Variants in ZNF644 observed in about 807,000 individuals in gnomAD.
ZNF644 encodes the protein zinc finger motif enhancer binding protein 2.
Under a neutral mutation model 108.0 loss-of-function variants are expected in ZNF644, and 20 were observed. The observed-to-expected ratio is 0.19, with a 90% CI of 0.13 to 0.27. The LOEUF is 0.27. Ranked by LOEUF, ZNF644 falls within the 10% of genes least tolerant of loss-of-function variation. The pLI is 1.00. For missense variants in ZNF644, 1,338 were observed against 1,548.9 expected (o/e 0.86, Z 2.29); for synonymous variants, 542 against 539.1 (o/e 1.01, Z -0.08).
chr1:90,965,065 G>A (rs543086644), intron 2 of ZNF644, among the ~76,000 whole-genome samples: 13 of 152,232 alleles, frequency 8.5e-5, no homozygotes, highest in African/African-American at 3.1e-4. Flanking sequence ...GAAGGAGTGA[G>A]GAGAGTAAGT....
In ZNF644 at chr1:90,941,290, G is replaced by A. The variant is rs1237700816; in HGVS notation, c.64C>T (p.Leu22Phe). The change falls in exon 3 of 6, where the codon CTT (leucine) becomes TTT (phenylalanine). Residue 22 changes from leucine to phenylalanine, a missense_variant. Around this residue, in one of 6 missense-constraint regions of ZNF644, gnomAD observed 464 missense variants for 457.9 expected, o/e 1.01. Coordinates refer to ENST00000337393, the MANE Select transcript of ZNF644 (RefSeq NM_201269.3). ...TTCAAATCATCCATATTGTTGGCAA[G>A]CCCATTTAACACATTTAGTCTAGAA... is the stretch of plus-strand genomic sequence containing the variant. ...TKSRLNVLNG[L>F]ANNMDDLKIN... The A allele has an allele frequency of 6.3e-7, 1 of 1,597,906 alleles. No individual in the cohort carries two copies. The highest frequency in any genetic ancestry group is 8.5e-7 in the Non-Finnish European group (1 of 1,176,038).
chr1:91,006,912 C>T (rs572634084), intron 1 of ZNF644, among the ~76,000 whole-genome samples: 2 of 152,188 alleles, frequency 1.3e-5, no homozygotes, highest in East Asian at 3.9e-4. Context: ...TTTTTAGCCT[C>T]CTCCCACACT....
chr1:90,983,649 G>A (rs542543831), intron 1 of ZNF644, among the ~76,000 whole-genome samples: 4 of 152,156 alleles, frequency 2.6e-5, no homozygotes, highest in East Asian at 1.9e-4. Flanking sequence ...CGGAGAGGCC[G>A]GGCACAGTGG....
intron 1 of ZNF644, among the ~76,000 whole-genome samples, chr1:91,004,226 C>CA (rs368283324): frequency 8.1e-4 from 73 of 89,946 alleles, no homozygotes; most frequent in African/African-American, 3.1e-3. Context: ...CAAGGAACTA[C>CA]ACAGAGGATA....
At chr1:90,926,639 C>CA (rs1336438087) in intron 4 of ZNF644, among the ~76,000 whole-genome samples, 2 of 152,174 alleles carry the variant, frequency 1.3e-5, no homozygotes, top group African/African-American at 4.8e-5. Flanking sequence ...AGCATGGTAG[C>CA]AGATTGATTA....
At chr1:90,985,311 T>C (rs1226279183) in intron 1 of ZNF644, among the ~76,000 whole-genome samples, 1 of 152,200 alleles carries the variant, frequency 6.6e-6, no homozygotes, top group Non-Finnish European at 1.5e-5. Flanking sequence ...TATTTTTTTG[T>C]GGTAAAACAC....
intron 4 of ZNF644, among the ~76,000 whole-genome samples, chr1:90,923,241 A>G (rs1405897881): frequency 6.6e-6 from 1 of 152,024 alleles, no homozygotes; most frequent in African/African-American, 2.4e-5. Context: ...CACATAACTC[A>G]TTTTGCATTG....
Position 90,940,712 on chromosome 1 carries a change from T to C in ZNF644, c.642A>G (p.Ser214=). The C allele has an allele frequency of 6.2e-7, 1 of 1,614,122 alleles. No individual in the cohort carries two copies. Among genetic ancestry groups the C allele is most frequent in the Non-Finnish European group, 8.5e-7 (1 of 1,180,006 alleles). Residue 214 remains serine, a synonymous_variant, in exon 3 of 6, where the codon TCA becomes TCG. Coordinates refer to ENST00000337393, the MANE Select transcript of ZNF644 (RefSeq NM_201269.3). ...CTACTTGATTTATTAAAGTGCCATC[T>C]GACTTTATATTACTCCCTACTGAAT... The part of the protein sequence containing the change: ...IQNSVGSNIK[S]DGTLINQVEV...
At chr1:90,936,311 G>T (rs1341998866) in intron 4 of ZNF644, among the ~76,000 whole-genome samples, 1 of 152,096 alleles carries the variant, frequency 6.6e-6, no homozygotes. Context: ...CATCTCTGAA[G>T]TATACTACCC....
Position 90,938,058 on chromosome 1 carries a change from T to G in ZNF644, c.3115A>C (p.Thr1039Pro). Residue 1039 changes from threonine to proline, a missense_variant, in exon 4 of 6, where the codon ACT becomes CCT. Transcript: ENST00000337393. This position sits in a 1 kb window ranked among gnomAD's most constrained non-coding sequence, Gnocchi z 4.2. Reference sequence around the variant, plus strand: ...AACCAACCACCACAGAGCTGACAAGTGTGTTCAGAAGTGGTTTCAGACTTC... The same window carrying G: ...AACCAACCACCACAGAGCTGACAAGGGTGTTCAGAAGTGGTTTCAGACTTC... The part of the protein sequence containing the change: ...IEKSETTSEH[T>P]CQLCGGWFDT... 1 of 1,610,874 alleles carries G rather than the reference T, an allele frequency of 6.2e-7. No homozygotes were observed.
chr1:91,010,973 T>G (rs1032471480), intron 1 of ZNF644, among the ~76,000 whole-genome samples: 4 of 152,170 alleles, frequency 2.6e-5, no homozygotes, highest in Admixed American at 1.3e-4. Context: ...CAAACTTGAG[T>G]GTATTTTTTT....
chr1:90,923,624 T>C (rs999471191), intron 4 of ZNF644, among the ~76,000 whole-genome samples: 16 of 152,184 alleles, frequency 1.1e-4, no homozygotes, highest in African/African-American at 3.1e-4. Flanking sequence ...AATTTTTTAG[T>C]ACCCTAAATA....
chr1:90,931,615 AG>A (rs897122128), intron 4 of ZNF644, among the ~76,000 whole-genome samples: 8 of 152,168 alleles, frequency 5.3e-5, no homozygotes, highest in African/African-American at 1.4e-4. Context: ...AAACTGGGAC[AG>A]TTCTGGGCAA....
intron 1 of ZNF644, among the ~76,000 whole-genome samples, chr1:90,983,969 A>G: frequency 6.6e-6 from 1 of 152,150 alleles, no homozygotes; most frequent in East Asian, 1.9e-4. Flanking sequence ...GAGAGAACTG[A>G]AAATGCTGCT....
intron 4 of ZNF644, among the ~76,000 whole-genome samples, chr1:90,934,580 C>T (rs897693135): frequency 1.3e-5 from 2 of 152,142 alleles, no homozygotes; most frequent in Non-Finnish European, 2.9e-5. Context: ...AAGCGTATTA[C>T]ATATAAGTAA....
intron 4 of ZNF644, among the ~76,000 whole-genome samples, chr1:90,932,036 C>T (rs919768663): frequency 2.0e-5 from 3 of 152,014 alleles, no homozygotes; most frequent in Non-Finnish European, 2.9e-5. Context: ...TCAAAGATGT[C>T]GGTGACCCCA....
chr1:90,967,275 A>C (rs1202056974), intron 2 of ZNF644, among the ~76,000 whole-genome samples: 1 of 152,128 alleles, frequency 6.6e-6, no homozygotes, highest in Non-Finnish European at 1.5e-5. Flanking sequence ...AAATCTAGTT[A>C]ACCTTAACTC....
chr1:90,984,642 T>C (rs1172368710), intron 1 of ZNF644, among the ~76,000 whole-genome samples: 1 of 152,132 alleles, frequency 6.6e-6, no homozygotes, highest in Non-Finnish European at 1.5e-5. Context: ...ATCCACCCGC[T>C]TTGGCTTCCC....
At chr1:90,977,834 T>A (rs1656159119) in intron 2 of ZNF644, among the ~76,000 whole-genome samples, 2 of 152,140 alleles carry the variant, frequency 1.3e-5, no homozygotes, top group African/African-American at 4.8e-5. Flanking sequence ...TAAATATTAA[T>A]AAGGTAACAG....
Sources: allele counts gnomAD v4.1 joint callset (sites outside exome capture counted in the v4.1 genomes callset), GRCh38; gene constraint gnomAD v4.1.1; regional missense constraint gnomAD v4.1.1; non-coding constraint Gnocchi (gnomAD v3.1); transcripts MANE v1.5; gene names NCBI Gene and HGNC (gene_info 2026-07-23, HGNC 2026-07-21).